PCDHGA7: variants seen among roughly 807,000 people sequenced by gnomAD.
The protein encoded by PCDHGA7 is protocadherin gamma-A7.
Under a neutral mutation model 58.3 loss-of-function variants are expected in PCDHGA7, and 44 were observed. The observed-to-expected ratio is 0.75, with a 90% CI of 0.59 to 0.97. The LOEUF (loss-of-function observed/expected upper bound fraction) is 0.97. PCDHGA7 is among the 50% of genes least tolerant of loss of function. PCDHGA7 has a pLI of 0.00. For synonymous variants in PCDHGA7, 516 were observed against 504.2 expected (o/e 1.02, Z -0.31); for missense variants, 1,266 against 1,188.7 (o/e 1.06, Z -0.96).
At chr5:141,413,520 A>G in intron 1 of PCDHGA7, 1 of 1,613,986 alleles carries the variant, frequency 6.2e-7, no homozygotes, top group Non-Finnish European at 8.5e-7. Flanking sequence ...TCCTTGTGGA[A>G]GACAGGGTGA....
chr5:141,399,584 C>A (rs765946308), intron 1 of PCDHGA7: 34 of 1,613,904 alleles, frequency 2.1e-5, no homozygotes, highest in Non-Finnish European at 2.6e-5. Context: ...GTCTCCTACT[C>A]TATCATGGCC....
In PCDHGA7 at chr5:141,422,884, G is replaced by C. The variant is rs202035589; in HGVS notation, c.2424+37561G>C. On this transcript the variant is annotated intron_variant, in intron 1 of 3. Transcript: ENST00000518325. ...CAGCAACGTGTCGCTGAGCCTGTTC[G>C]TGCTGGACCAGAACGACAATGCGCC... The C allele has an allele frequency of 1.7e-4, 278 of 1,614,240 alleles. No homozygotes were observed. The African/African-American group carries it at 2.0e-3, about 12-fold the overall frequency.
intron 1 of PCDHGA7, chr5:141,404,805 C>G (rs770534822): frequency 1.3e-5 from 21 of 1,613,960 alleles, no homozygotes; most frequent in Non-Finnish European, 1.8e-5. Context: ...GGGCTCTTCT[C>G]GGTGGGGCTG....
At chr5:141,456,504 T>G (rs781368588) in intron 1 of PCDHGA7, among the ~76,000 whole-genome samples, 1 of 152,148 alleles carries the variant, frequency 6.6e-6, no homozygotes, top group Non-Finnish European at 1.5e-5. Context: ...GGTTAACCAA[T>G]TCCATAAAGA....
At position 141,421,681 on chromosome 5, in the gene PCDHGA7, C is replaced by T. The variant is rs750692137; in HGVS notation, c.2424+36358C>T. 4 of 1,613,858 alleles carry T rather than the reference C, an allele frequency of 2.5e-6. No homozygotes were observed. In the South Asian group the frequency reaches 4.4e-5, roughly 18 times the overall value. Reference sequence around the variant, plus strand: ...CAGTGAGCACGCAATTCCTGGGGCGCGATTTGCTCTTCCTAATGCTAGGGA... The same window carrying T: ...CAGTGAGCACGCAATTCCTGGGGCGTGATTTGCTCTTCCTAATGCTAGGGA... On this transcript the variant is annotated intron_variant, in intron 1 of 3. Coordinates refer to ENST00000518325, the MANE Select transcript of PCDHGA7 (RefSeq NM_018920.4).
intron 1 of PCDHGA7, chr5:141,393,090 G>T: frequency 6.2e-7 from 1 of 1,613,626 alleles, no homozygotes; most frequent in South Asian, 1.1e-5. Flanking sequence ...GATAGATCGG[G>T]AGGAGCTCTG....
chr5:141,431,921 G>A lies in PCDHGA7; in HGVS notation c.2424+46598G>A. The A allele has an allele frequency of 1.9e-6, 3 of 1,614,142 alleles. No homozygotes were observed. Among genetic ancestry groups the A allele is most frequent in the South Asian group, 2.2e-5 (2 of 91,084 alleles). On this transcript the variant is annotated intron_variant, in intron 1 of 3. Transcript: ENST00000518325. The surrounding 1 kb of genome is among the most constrained non-coding windows in gnomAD (Gnocchi z 4.8). ...CGGACAGGTGATCTGTTTCATCCAA[G>A]GAAATCTGCCCTTTAAATTAGAAAA...
intron 1 of PCDHGA7, chr5:141,399,883 A>C: frequency 6.2e-7 from 1 of 1,612,718 alleles, no homozygotes; most frequent in South Asian, 1.1e-5. Flanking sequence ...CCTGGTGACC[A>C]AGGTAGTGGC....
rs1301352900 is a variant in PCDHGA7, at chr5:141,491,765, A to T, written c.2425-3042A>T. ...GGCACTGGAGAAGCCGCCCGTCCTC[A>T]TAAGGGATTGAACTTGCATCCACTC... On this transcript the variant is annotated intron_variant, in intron 1 of 3. Transcript: ENST00000518325. The surrounding 1 kb of genome is among the most constrained non-coding windows in gnomAD (Gnocchi z 6.9). 1.3e-6 allele frequency: 2 copies of T among 1,569,228 alleles called. No individual in the cohort carries two copies. Among genetic ancestry groups the T allele is most frequent in the Non-Finnish European group, 1.7e-6 (2 of 1,158,736 alleles).
intron 1 of PCDHGA7, chr5:141,423,301 C>T (rs1489674947): frequency 1.9e-6 from 3 of 1,614,150 alleles, no homozygotes; most frequent in East Asian, 4.5e-5. Flanking sequence ...AGACCTCTCG[C>T]TGTACTTGGT....
chr5:141,433,408 A>ATCTATCT (rs1413347413), intron 1 of PCDHGA7, among the ~76,000 whole-genome samples: 44 of 127,346 alleles, frequency 3.5e-4, no homozygotes, highest in African/African-American at 1.2e-3. Context: ...TCTATCTATT[A>ATCTATCT]CTTTCTTGTA....
chr5:141,382,798 A>C lies in PCDHGA7; in HGVS notation c.-102A>C. ...TAAACTCAAGCCTCTATCCTGCTGG[A>C]TTCTGAGCTCCCCTTCCTAAGACAG... On this transcript the variant is annotated 5_prime_UTR_variant, in exon 1 of 4. Coordinates refer to ENST00000518325, the MANE Select transcript of PCDHGA7 (RefSeq NM_018920.4). 2 of 1,017,066 alleles carry C rather than the reference A, an allele frequency of 2.0e-6. No homozygotes were observed. The highest frequency in any genetic ancestry group is 2.4e-5 in the Admixed American group (1 of 42,022). 63.0% of individuals were successfully genotyped at this position (1,017,066 alleles called of 1,614,324 possible). A position where few individuals can be genotyped will look rare whatever the true frequency, so the allele number is the denominator to read the frequency against.
At chr5:141,421,388 G>T in intron 1 of PCDHGA7, 17 of 1,614,052 alleles carry the variant, frequency 1.1e-5, no homozygotes, top group Non-Finnish European at 1.4e-5. Flanking sequence ...AAGGACCTGG[G>T]GCTGGAGCCC....
At chr5:141,403,348 G>C (rs1031512427) in intron 1 of PCDHGA7, 2 of 1,614,052 alleles carry the variant, frequency 1.2e-6, no homozygotes, top group Middle Eastern at 1.6e-4. Flanking sequence ...GCGCCCCAAA[G>C]TTCCAGGCCG....
At chr5:141,471,590 T>C (rs2099260583) in intron 1 of PCDHGA7, 1 of 152,120 alleles carries the variant, frequency 6.6e-6, no homozygotes. Flanking sequence ...AAGTAATTGA[T>C]AGTTTCAAAA....
At chr5:141,497,741 G>A (rs767561907) in intron 2 of PCDHGA7, among the ~76,000 whole-genome samples, 24 of 152,050 alleles carry the variant, frequency 1.6e-4, no homozygotes, top group Non-Finnish European at 2.6e-4. Context: ...GTTTCGCCAC[G>A]TTGGCCAGGC....
At chr5:141,498,105 G>A (rs150297456) in intron 2 of PCDHGA7, among the ~76,000 whole-genome samples, 4 of 152,206 alleles carry the variant, frequency 2.6e-5, no homozygotes, top group African/African-American at 9.7e-5. Flanking sequence ...TGGTGTGGGC[G>A]TATAATAGGG....
intron 2 of PCDHGA7, among the ~76,000 whole-genome samples, chr5:141,500,788 A>T (rs1379810633): frequency 2.6e-5 from 4 of 152,198 alleles, no homozygotes; most frequent in Admixed American, 6.5e-5. Context: ...ATATTATTTT[A>T]CAGAATAAGT....
intron 1 of PCDHGA7, among the ~76,000 whole-genome samples, chr5:141,451,072 C>A (rs2098705989): frequency 6.6e-6 from 1 of 152,026 alleles, no homozygotes; most frequent in African/African-American, 2.4e-5. Context: ...TTGTGATCCA[C>A]CCACCTTGAC....
Sources: gnomAD v4.1 joint callset for allele counts (sites outside exome capture counted in the v4.1 genomes callset) on GRCh38, gnomAD v4.1.1 for gene constraint, Gnocchi (gnomAD v3.1) non-coding constraint, MANE v1.5 for transcripts, NCBI Gene and HGNC (gene_info 2026-07-23, HGNC 2026-07-21) for gene names.